The following MYO10 variants were observed in gnomAD, a reference collection of about 807,000 sequenced individuals.
The protein encoded by MYO10 is unconventional myosin-X.
In MYO10, 133 loss-of-function variants were observed where a neutral mutation model predicts 257.3. The observed-to-expected ratio is 0.52, with a 90% CI of 0.45 to 0.60. The LOEUF (loss-of-function observed/expected upper bound fraction) is 0.60, where lower values mean the gene tolerates loss of function less well. Ranked by LOEUF, MYO10 falls within the 20% of genes least tolerant of loss-of-function variation. The pLI, the probability that MYO10 is intolerant of heterozygous loss-of-function variation, is 0.00. For missense variants in MYO10, 2,399 were observed against 2,635.7 expected (o/e 0.91, Z 1.97); for synonymous variants, 1,104 against 1,028.6 (o/e 1.07, Z -1.40).
intron 19 of MYO10, among the ~76,000 whole-genome samples, chr5:16,742,919 G>C (rs546448281): frequency 2.0e-5 from 3 of 151,926 alleles, no homozygotes; most frequent in Non-Finnish European, 4.4e-5. Context: ...TCGGGAGTTC[G>C]AGACTAGCCT....
chr5:16,750,032 C>G (rs1379171366), intron 19 of MYO10, among the ~76,000 whole-genome samples: 1 of 152,104 alleles, frequency 6.6e-6, no homozygotes, highest in Non-Finnish European at 1.5e-5. Context: ...TGGGTACCAC[C>G]GCCACCGCCC....
At position 16,875,552 on chromosome 5, in the gene MYO10, C is replaced by T. The variant is rs563091150; in HGVS notation, c.120+2057G>A. The stretch of plus-strand genomic sequence containing the variant: ...CCATTAGACATGCTGTCTCTTTGTT[C>T]CCCCTCTCTCCCCATACCCTGAAAT... On this transcript the variant is annotated intron_variant, in intron 2 of 40. Coordinates refer to ENST00000513610, the MANE Select transcript of MYO10 (RefSeq NM_012334.3). Among the ~76,000 whole-genome samples, 8 of 152,092 alleles carry T rather than the reference C, an allele frequency of 5.3e-5. No homozygotes were observed. The South Asian group carries it at 6.2e-4, about 12-fold the overall frequency.
At chr5:16,742,066 T>A in intron 19 of MYO10, 2 of 985,422 alleles carry the variant, frequency 2.0e-6, no homozygotes, top group South Asian at 9.4e-5. Context: ...CTAACCATCA[T>A]GCACGCATCA....
chr5:16,672,806 C>G lies in MYO10; in HGVS notation c.5192G>C (p.Arg1731Pro), dbSNP rs778071290. Residue 1731 changes from arginine (R) to proline (P), a missense_variant, in exon 37 of 41, where the codon CGA becomes CCA. Transcript: ENST00000513610. Reference sequence around the variant, plus strand: ...CCTGCTGTCCTCCATGGCCAGGCCTCGGATCAGCTTCTCCACCACCTGGAA... The same window carrying G: ...CCTGCTGTCCTCCATGGCCAGGCCTGGGATCAGCTTCTCCACCACCTGGAA... ...TAGEVVEKLIRGLAMEDSRNM... is the reference protein window; with the variant it reads ...TAGEVVEKLIPGLAMEDSRNM... The G allele has an allele frequency of 5.6e-6, 9 of 1,613,518 alleles. No homozygotes were observed. Among genetic ancestry groups the G allele is most frequent in the Non-Finnish European group, 8.5e-7 (1 of 1,179,676 alleles).
At chr5:16,695,824 C>G (rs972426367) in intron 26 of MYO10, among the ~76,000 whole-genome samples, 1 of 152,204 alleles carries the variant, frequency 6.6e-6, no homozygotes, top group East Asian at 1.9e-4. Context: ...GAAAACCAGA[C>G]AGTGCACTTG....
chr5:16,933,086 G>T (rs1013265360), intron 1 of MYO10, among the ~76,000 whole-genome samples: 3 of 152,208 alleles, frequency 2.0e-5, no homozygotes, highest in African/African-American at 7.2e-5. Context: ...GGGAAGCGCA[G>T]ACAAGGCTGT....
chr5:16,846,688 A>G (rs1002214220), intron 2 of MYO10, among the ~76,000 whole-genome samples: 1 of 152,238 alleles, frequency 6.6e-6, no homozygotes, highest in African/African-American at 2.4e-5. Context: ...AAGTCATAAT[A>G]TGTGACAAGT....
chr5:16,904,382 A>G (rs1157140214), intron 1 of MYO10, among the ~76,000 whole-genome samples: 1 of 152,196 alleles, frequency 6.6e-6, no homozygotes, highest in Non-Finnish European at 1.5e-5. Flanking sequence ...ACTGAAACCC[A>G]GGAGAAGATC....
chr5:16,738,651 G>A (rs1181613917), intron 19 of MYO10, among the ~76,000 whole-genome samples: 1 of 151,998 alleles, frequency 6.6e-6, no homozygotes, highest in African/African-American at 2.4e-5. Context: ...CCAGAACTTT[G>A]GTATGTCAAG....
At chr5:16,829,089 A>G (rs1043494904) in intron 2 of MYO10, among the ~76,000 whole-genome samples, 3 of 152,176 alleles carry the variant, frequency 2.0e-5, no homozygotes, top group African/African-American at 7.2e-5. Flanking sequence ...AGGGGCTGTT[A>G]TGGTAGAAAT....
chr5:16,894,735 T>C (rs1183810979), intron 1 of MYO10, among the ~76,000 whole-genome samples: 1 of 152,128 alleles, frequency 6.6e-6, no homozygotes, highest in Non-Finnish European at 1.5e-5. Context: ...CATTGAAACT[T>C]GACACCAGGA....
chr5:16,668,515 C>T, intron 39 of MYO10, 47 bp from the exon 40 acceptor site: 3 of 1,479,022 alleles, frequency 2.0e-6, no homozygotes, highest in Non-Finnish European at 2.7e-6. Flanking sequence ...AAGTGGTTGG[C>T]AACAGAAAGC....
At chr5:16,866,788 T>C (rs1371321467) in intron 2 of MYO10, among the ~76,000 whole-genome samples, 2 of 152,204 alleles carry the variant, frequency 1.3e-5, no homozygotes, top group African/African-American at 4.8e-5. Flanking sequence ...TGAGAGTCAT[T>C]AGATCCTAAC....
intron 19 of MYO10, chr5:16,713,592 G>A: frequency 1.4e-6 from 1 of 735,874 alleles, no homozygotes. Flanking sequence ...CGAGATCCAG[G>A]CTCCCATTGC....
intron 32 of MYO10, 37 bp from the exon 33 acceptor site, chr5:16,680,141 C>T (rs551450672): frequency 8.2e-6 from 13 of 1,589,596 alleles, no homozygotes; most frequent in Admixed American, 5.1e-5. Context: ...CGCACGTCAA[C>T]GCCAACCTCG....
chr5:16,763,590 C>T (rs376928786), intron 13 of MYO10, 43 bp from the exon 14 acceptor site: 2 of 1,584,990 alleles, frequency 1.3e-6, no homozygotes, highest in Middle Eastern at 1.7e-4. Context: ...GAAAACATAG[C>T]TTCAAAACGA....
intron 10 of MYO10, among the ~76,000 whole-genome samples, chr5:16,768,847 T>C (rs1282087455): frequency 6.6e-6 from 1 of 151,812 alleles, no homozygotes; most frequent in Non-Finnish European, 1.5e-5. Flanking sequence ...GGCTAATTTT[T>C]GTATTTTTAG....
At chr5:16,834,308 C>T (rs1022243331) in intron 2 of MYO10, among the ~76,000 whole-genome samples, 6 of 152,172 alleles carry the variant, frequency 3.9e-5, no homozygotes, top group African/African-American at 1.4e-4. Flanking sequence ...GAGAAACTTC[C>T]AGCTCATATG....
chr5:16,744,641 G>C (rs1453340692), intron 19 of MYO10, among the ~76,000 whole-genome samples: 2 of 151,976 alleles, frequency 1.3e-5, no homozygotes, highest in African/African-American at 4.8e-5. Context: ...AAGCAGGCTT[G>C]CAGAGGGAGC....
Sources: gnomAD v4.1 joint callset for allele counts (sites outside exome capture counted in the v4.1 genomes callset) on GRCh38, gnomAD v4.1.1 for gene constraint, MANE v1.5 for transcripts, NCBI Gene and HGNC (gene_info 2026-07-23, HGNC 2026-07-21) for gene names.